Variants in SCIN observed in about 807,000 individuals in gnomAD.
SCIN encodes the protein adseverin.
In SCIN, 91 loss-of-function variants were observed where a neutral mutation model predicts 91.8. The ratio of observed to expected loss-of-function variants is 0.99; its 90% CI spans 0.84 to 1.18. The LOEUF is 1.18. SCIN is among the 50% of genes most tolerant of loss of function. The pLI is 0.00. For synonymous variants in SCIN, 367 were observed against 312.6 expected (o/e 1.17, Z -1.84); for missense variants, 1,087 against 863.9 (o/e 1.26, Z -3.24).
chr7:12,648,987 T>C lies in SCIN; in HGVS notation c.1882-480T>C, dbSNP rs555253777. ...TTTTTTATATAAGACCAGTGTATACTGACAGTGATTTGATTGGTTACAGAT... is the reference window on the plus strand; with the variant it reads ...TTTTTTATATAAGACCAGTGTATACCGACAGTGATTTGATTGGTTACAGAT... On this transcript the variant is annotated intron_variant, in intron 13 of 15. Coordinates refer to ENST00000297029, the MANE Select transcript of SCIN (RefSeq NM_001112706.3). Among the ~76,000 whole-genome samples, 8 of 152,312 alleles carry C rather than the reference T, an allele frequency of 5.3e-5. No homozygotes were observed. The East Asian group carries it at 1.5e-3, about 29-fold the overall frequency.
intron 3 of SCIN, among the ~76,000 whole-genome samples, chr7:12,594,158 G>C (rs1782787103): frequency 6.6e-6 from 1 of 152,102 alleles, no homozygotes; most frequent in Non-Finnish European, 1.5e-5. Context: ...AGAGGACTCA[G>C]AGTCAGAAGT....
chr7:12,626,828 C>G, intron 8 of SCIN, 29 bp downstream of exon 8: 1 of 1,554,612 alleles, frequency 6.4e-7, no homozygotes, highest in Non-Finnish European at 8.8e-7. Flanking sequence ...TTTTATCAAG[C>G]CCATTAATGC....
At chr7:12,636,912 A>G (rs1394121916) in intron 10 of SCIN, among the ~76,000 whole-genome samples, 2 of 143,492 alleles carry the variant, frequency 1.4e-5, no homozygotes, top group African/African-American at 4.9e-5. Context: ...CAATTAAAAA[A>G]TAAAATTAAA....
At chr7:12,620,046 G>A (rs982380626) in intron 4 of SCIN, among the ~76,000 whole-genome samples, 2 of 151,652 alleles carry the variant, frequency 1.3e-5, no homozygotes, top group Admixed American at 1.3e-4. Flanking sequence ...GACAAAGTTT[G>A]TACATATATA....
Position 12,644,086 on chromosome 7 carries a change from G to C in SCIN, c.1582-52G>C, listed in dbSNP as rs1292892390. 5 of 1,494,766 alleles carry C rather than the reference G, an allele frequency of 3.3e-6. No individual in the cohort carries two copies. In the African/African-American group the frequency reaches 6.9e-5, roughly 21 times the overall value. 92.6% of individuals were successfully genotyped at this position (1,494,766 alleles called of 1,614,324 possible). Reference sequence around the variant, plus strand: ...TCACAGCTTCTGGGACATGTTTATTGAGGGAGCAGCAATGAATTTGAATCA... The same window carrying C: ...TCACAGCTTCTGGGACATGTTTATTCAGGGAGCAGCAATGAATTTGAATCA... On this transcript the variant is annotated intron_variant, in intron 11 of 15. Transcript: ENST00000297029.
chr7:12,638,276 A>G (rs1000845194), intron 10 of SCIN, among the ~76,000 whole-genome samples: 1 of 152,064 alleles, frequency 6.6e-6, no homozygotes, highest in African/African-American at 2.4e-5. Context: ...AGCTGGAACT[A>G]TCTCTCTCCC....
intron 4 of SCIN, chr7:12,611,124 G>C (rs552852680): frequency 7.8e-4 from 119 of 152,250 alleles, no homozygotes; most frequent in African/African-American, 2.7e-3. Context: ...GGCCACCACT[G>C]CTCACTGCTC....
At chr7:12,631,023 G>T (rs888783463) in intron 9 of SCIN, among the ~76,000 whole-genome samples, 1 of 152,070 alleles carries the variant, frequency 6.6e-6, no homozygotes, top group Non-Finnish European at 1.5e-5. Flanking sequence ...AAACATAATT[G>T]ATTGTGGTAC....
intron 4 of SCIN, among the ~76,000 whole-genome samples, chr7:12,606,225 A>G (rs956300842): frequency 1.3e-5 from 2 of 152,160 alleles, no homozygotes; most frequent in African/African-American, 2.4e-5. Flanking sequence ...CTGTTGATAT[A>G]ATACCTTTTT....
chr7:12,631,610 C>G (rs1037692591), intron 9 of SCIN, among the ~76,000 whole-genome samples: 14 of 152,292 alleles, frequency 9.2e-5, no homozygotes, highest in African/African-American at 3.4e-4. Context: ...CCTGAGCTGG[C>G]ATACTCAACC....
chr7:12,642,522 A>G (rs577069234), intron 11 of SCIN, among the ~76,000 whole-genome samples: 29 of 151,228 alleles, frequency 1.9e-4, no homozygotes, highest in Non-Finnish European at 2.9e-4. Flanking sequence ...GTTTGTCTTG[A>G]GTGTTTTCAC....
intron 4 of SCIN, among the ~76,000 whole-genome samples, chr7:12,621,603 T>C (rs933653132): frequency 3.3e-5 from 5 of 151,648 alleles, no homozygotes; most frequent in African/African-American, 1.2e-4. Flanking sequence ...AGCAAAAGTG[T>C]TTTTTTAAAA....
intron 3 of SCIN, among the ~76,000 whole-genome samples, chr7:12,601,136 A>C (rs1782949618): frequency 6.6e-6 from 1 of 152,166 alleles, no homozygotes; most frequent in Non-Finnish European, 1.5e-5. Context: ...ATTTCTTATA[A>C]AGTTTTGCAT....
chr7:12,651,064 A>T lies in SCIN; in HGVS notation c.1960-777A>T, dbSNP rs1205672274. On this transcript the variant is annotated intron_variant, in intron 14 of 15. Transcript: ENST00000297029. The surrounding 1 kb of genome is among the most constrained non-coding windows in gnomAD (Gnocchi z 5.9). ...GGAGAAAAGGCATACAAATATATTAATGTTCACAGGAGTCATACAGAATGC... is the reference window on the plus strand; with the variant it reads ...GGAGAAAAGGCATACAAATATATTATTGTTCACAGGAGTCATACAGAATGC... 6.6e-6 allele frequency among the ~76,000 whole-genome samples: 1 copy of T among 152,208 alleles called. No individual in the cohort carries two copies. Among genetic ancestry groups the T allele is most frequent in the Non-Finnish European group, 1.5e-5 (1 of 68,044 alleles).
At chr7:12,644,940 A>G (rs551174218) in intron 13 of SCIN, among the ~76,000 whole-genome samples, 2 of 148,950 alleles carry the variant, frequency 1.3e-5, no homozygotes, top group Admixed American at 1.4e-4. Flanking sequence ...ACTTGAACCC[A>G]GGAGGCGGAG....
chr7:12,609,612 T>C (rs577618388), intron 4 of SCIN, among the ~76,000 whole-genome samples: 1 of 152,088 alleles, frequency 6.6e-6, no homozygotes, highest in Non-Finnish European at 1.5e-5. Context: ...ATAAAAAGAA[T>C]GAAGATGAAG....
intron 4 of SCIN, among the ~76,000 whole-genome samples, chr7:12,609,116 C>T (rs958387221): frequency 3.3e-5 from 5 of 152,096 alleles, no homozygotes; most frequent in Non-Finnish European, 7.4e-5. Context: ...TCCTCCAAAG[C>T]AAAGCACATT....
chr7:12,657,886 G>A lies in SCIN; in HGVS notation c.*5171G>A, dbSNP rs1396017949. The A allele has an allele frequency of 6.6e-6, 1 of 151,906 alleles. No homozygotes were observed. Among genetic ancestry groups the A allele is most frequent in the African/African-American group, 2.4e-5 (1 of 41,398 alleles). The allele number at this position is 151,906 out of a possible 1,614,324, so 9.4% of individuals were successfully genotyped here. On this transcript the variant is annotated 3_prime_UTR_variant, in exon 16 of 16. Coordinates refer to ENST00000297029, the MANE Select transcript of SCIN (RefSeq NM_001112706.3). Reference sequence around the variant, plus strand: ...TACTTTTCTTCTATTATAGGAATAAGAATTCAGTAGTCATATTTCCTGTTG... The same window carrying A: ...TACTTTTCTTCTATTATAGGAATAAAAATTCAGTAGTCATATTTCCTGTTG...
In SCIN at chr7:12,570,734, T is replaced by G. The variant is rs1782246503; in HGVS notation, c.-53T>G. ...AAGGTTCCTCCTGCTGCTCTCGGTT[T>G]AGTCCAAGATCAGCGATATCACGCG... On this transcript the variant is annotated 5_prime_UTR_variant, in exon 1 of 16. Coordinates refer to ENST00000297029, the MANE Select transcript of SCIN (RefSeq NM_001112706.3). The G allele has an allele frequency of 6.5e-7, 1 of 1,533,500 alleles. No homozygotes were observed. The highest frequency in any genetic ancestry group is 8.8e-7 in the Non-Finnish European group (1 of 1,137,196). The allele number at this position is 1,533,500 out of a possible 1,614,324, so 95.0% of individuals were successfully genotyped here. A position where few individuals can be genotyped will look rare whatever the true frequency, so the allele number is the denominator to read the frequency against.
Sources: gnomAD v4.1 joint callset for allele counts (sites outside exome capture counted in the v4.1 genomes callset) on GRCh38, gnomAD v4.1.1 for gene constraint, Gnocchi (gnomAD v3.1) non-coding constraint, MANE v1.5 for transcripts, NCBI Gene and HGNC (gene_info 2026-07-23, HGNC 2026-07-21) for gene names.